The following CBL variants were observed in gnomAD, a reference collection of about 807,000 sequenced individuals.
CBL encodes the protein E3 ubiquitin-protein ligase CBL.
Under a neutral mutation model 96.9 loss-of-function variants are expected in CBL, and 45 were observed. The ratio of observed to expected loss-of-function variants is 0.46; its 90% CI spans 0.37 to 0.60. CBL has a LOEUF of 0.60. CBL is among the 20% of genes least tolerant of loss of function. CBL has a pLI of 0.00. For synonymous variants in CBL, 420 were observed against 426.8 expected (o/e 0.98, Z 0.20); for missense variants, 1,024 against 1,143.5 (o/e 0.90, Z 1.51).
intron 2 of CBL, among the ~76,000 whole-genome samples, chr11:119,260,015 C>T (rs1386155013): frequency 1.3e-5 from 2 of 152,176 alleles, no homozygotes; most frequent in African/African-American, 4.8e-5. Flanking sequence ...TGCCAACAAT[C>T]TTACACAGAT....
chr11:119,228,467 A>T (rs1949476222), intron 1 of CBL, among the ~76,000 whole-genome samples: 1 of 152,090 alleles, frequency 6.6e-6, no homozygotes, highest in Non-Finnish European at 1.5e-5. Context: ...TTAGCCGGGC[A>T]TGGTGGCGCA....
intron 2 of CBL, among the ~76,000 whole-genome samples, chr11:119,261,459 A>C (rs1040502956): frequency 6.6e-6 from 1 of 152,134 alleles, no homozygotes; most frequent in Non-Finnish European, 1.5e-5. Flanking sequence ...ATTTGATTAG[A>C]TTCTATTAGT....
At chr11:119,208,984 A>T (rs1383624381) in intron 1 of CBL, among the ~76,000 whole-genome samples, 1 of 151,866 alleles carries the variant, frequency 6.6e-6, no homozygotes, top group Non-Finnish European at 1.5e-5. Flanking sequence ...AGGGAGAGGG[A>T]TGTTTTATTT....
Position 119,277,749 on chromosome 11 carries a change from C to T in CBL, c.1008-8C>T, listed in dbSNP as rs1172261425. On this transcript the variant is annotated splice_region_variant and splice_polypyrimidine_tract_variant and intron_variant, in intron 6 of 15. Transcript: ENST00000264033. ...TAAATAAAACCCAGGGTTGGTTACT[C>T]TTTACAGCTATTTGTTTCCTGATGG... is the stretch of plus-strand genomic sequence containing the variant. 4 of 1,608,340 alleles carry T rather than the reference C, an allele frequency of 2.5e-6. No homozygotes were observed. The highest frequency in any genetic ancestry group is 3.3e-5 in the Admixed American group (2 of 59,990).
At chr11:119,234,271 G>A (rs1949526011) in intron 2 of CBL, among the ~76,000 whole-genome samples, 1 of 152,164 alleles carries the variant, frequency 6.6e-6, no homozygotes, top group Non-Finnish European at 1.5e-5. Flanking sequence ...CTCCCAAAGT[G>A]TTGGGATTAC....
intron 2 of CBL, among the ~76,000 whole-genome samples, chr11:119,270,436 A>ATATAT (rs1565870008): frequency 1.8e-4 from 7 of 38,660 alleles, no homozygotes; most frequent in East Asian, 1.1e-3. Flanking sequence ...ATATATATAT[A>ATATAT]TTTTTTTTTT....
intron 2 of CBL, among the ~76,000 whole-genome samples, chr11:119,244,497 A>G (rs1949609922): frequency 6.6e-6 from 1 of 151,168 alleles, no homozygotes; most frequent in Non-Finnish European, 1.5e-5. Context: ...GGCTCACCGC[A>G]GCCTCAACCT....
chr11:119,273,750 G>A (rs568058906), intron 3 of CBL, 118 bp from the exon 4 acceptor site: 10 of 870,340 alleles, frequency 1.1e-5, no homozygotes, highest in African/African-American at 8.4e-5. Flanking sequence ...TTTGAATTAC[G>A]AGAATTGAAA....
chr11:119,216,731 A>AT (rs1949364025), intron 1 of CBL, among the ~76,000 whole-genome samples: 2 of 152,266 alleles, frequency 1.3e-5, no homozygotes, highest in South Asian at 4.1e-4. Context: ...ACCAAAAACA[A>AT]TTTATGAATC....
chr11:119,303,430 C>T lies in CBL; in HGVS notation c.*3649C>T. On this transcript the variant is annotated 3_prime_UTR_variant, in exon 16 of 16. Coordinates refer to ENST00000264033, the MANE Select transcript of CBL (RefSeq NM_005188.4). ...CCAGAAATGTCAGGTATGTGTCCTT[C>T]CCTTGGCGCCACATAGTAGTTTACT... is the stretch of plus-strand genomic sequence containing the variant. 1 of 233,588 alleles carries T rather than the reference C, an allele frequency of 4.3e-6. No homozygotes were observed. The highest frequency in any genetic ancestry group is 8.5e-6 in the Non-Finnish European group (1 of 118,000). 14.5% of individuals were successfully genotyped at this position (233,588 alleles called of 1,614,324 possible).
At chr11:119,232,426 C>T (rs1949510518) in intron 1 of CBL, 22 bp from the exon 2 acceptor site, 1 of 1,611,890 alleles carries the variant, frequency 6.2e-7, no homozygotes, top group South Asian at 1.1e-5. Context: ...AAGTAATAGC[C>T]CTTCTTTTTC....
At chr11:119,220,796 C>G (rs940762102) in intron 1 of CBL, among the ~76,000 whole-genome samples, 1 of 152,032 alleles carries the variant, frequency 6.6e-6, no homozygotes, top group South Asian at 2.1e-4. Context: ...AACTACAATT[C>G]AAGAACCTGA....
At chr11:119,211,761 C>G (rs1949320897) in intron 1 of CBL, among the ~76,000 whole-genome samples, 1 of 150,508 alleles carries the variant, frequency 6.6e-6, no homozygotes, top group African/African-American at 2.4e-5. Flanking sequence ...GCCTCAGCTT[C>G]CAAAAGTACT....
rs1424819718 is a variant in CBL at position 119,243,515 on chromosome 11, AT to A, written c.443+10838del. Among the ~76,000 whole-genome samples, 259 of 96,738 alleles carry A rather than the reference AT, an allele frequency of 2.7e-3. 1 individual carries two copies. Among genetic ancestry groups the A allele is most frequent in the Admixed American group, 7.3e-3 (75 of 10,286 alleles). The allele number at this position is 96,738 out of a possible 152,430, so 63.5% of individuals were successfully genotyped here. A position where few individuals can be genotyped will look rare whatever the true frequency, so the allele number is the denominator to read the frequency against. On this transcript the variant is annotated intron_variant, in intron 2 of 15. Coordinates refer to ENST00000264033, the MANE Select transcript of CBL (RefSeq NM_005188.4). Reference sequence around the variant, plus strand: ...ATGAGACCCCGTCTCAAAAAAAAAAATTTTTTTTTTTTTTTTTTGCTGATGA... The same window carrying A: ...ATGAGACCCCGTCTCAAAAAAAAAAATTTTTTTTTTTTTTTTTGCTGATGA...
At chr11:119,225,126 T>A (rs1162906994) in intron 1 of CBL, among the ~76,000 whole-genome samples, 2 of 151,264 alleles carry the variant, frequency 1.3e-5, no homozygotes, top group Non-Finnish European at 2.9e-5. Flanking sequence ...GACAGAGTCT[T>A]GCTCTGTTGC....
chr11:119,252,153 CT>C (rs1385935274), intron 2 of CBL, among the ~76,000 whole-genome samples: 1 of 151,552 alleles, frequency 6.6e-6, no homozygotes, highest in Non-Finnish European at 1.5e-5. Context: ...AAAAAAAAAC[CT>C]TTTGTTAACA....
chr11:119,258,098 CACGCTTGTAATCCCAGCT>C (rs1387882841), intron 2 of CBL, among the ~76,000 whole-genome samples: 1 of 152,004 alleles, frequency 6.6e-6, no homozygotes, highest in East Asian at 1.9e-4. Flanking sequence ...TGTGGTTGTG[CACGCTTGTAATCCCAGCT>C]ACTCGGGAGG....
At chr11:119,211,445 ATT>A (rs1949318275) in intron 1 of CBL, among the ~76,000 whole-genome samples, 1 of 152,154 alleles carries the variant, frequency 6.6e-6, no homozygotes, top group Non-Finnish European at 1.5e-5. Context: ...GAGATACTGT[ATT>A]TTAGACTTTG....
chr11:119,207,781 G>A (rs1315578594), intron 1 of CBL, among the ~76,000 whole-genome samples: 1 of 152,136 alleles, frequency 6.6e-6, no homozygotes, highest in Non-Finnish European at 1.5e-5. Context: ...TAAGAGAATG[G>A]TGTTATTTCC....
Sources: gnomAD v4.1 joint callset for allele counts (sites outside exome capture counted in the v4.1 genomes callset) on GRCh38, gnomAD v4.1.1 for gene constraint, MANE v1.5 for transcripts, NCBI Gene and HGNC (gene_info 2026-07-23, HGNC 2026-07-21) for gene names.